ASAP2: variants seen among roughly 807,000 people sequenced by gnomAD.
ASAP2 encodes ArfGAP with SH3 domain, ankyrin repeat and PH domain 2, also known as arf-GAP with SH3 domain, ANK repeat and PH domain-containing protein 2.
In ASAP2, 45 loss-of-function variants were observed where a neutral mutation model predicts 131.4. That is an observed-to-expected ratio of 0.34 (90% confidence interval 0.27 to 0.44). The LOEUF (loss-of-function observed/expected upper bound fraction) is 0.44, where lower values mean the gene tolerates loss of function less well. Ranked by LOEUF, ASAP2 falls within the 20% of genes least tolerant of loss-of-function variation. The pLI, the probability that ASAP2 is intolerant of heterozygous loss-of-function variation, is 1.00. For missense variants in ASAP2, 1,011 were observed against 1,297.0 expected (o/e 0.78, Z 3.39); for synonymous variants, 510 against 503.0 (o/e 1.01, Z -0.19).
intron 1 of ASAP2, among the ~76,000 whole-genome samples, chr2:9,246,832 G>T (rs1418932664): frequency 6.6e-6 from 1 of 152,124 alleles, no homozygotes; most frequent in African/African-American, 2.4e-5. Flanking sequence ...TGCATGTGGA[G>T]AAATTGTCCA....
intron 25 of ASAP2, among the ~76,000 whole-genome samples, chr2:9,400,284 C>CCTGCCCCCTT (rs1676544449): frequency 8.9e-6 from 1 of 112,812 alleles, no homozygotes; most frequent in Admixed American, 8.4e-5. Flanking sequence ...TTCCTTCCCT[C>CCTGCCCCCTT]CTTCCTTCCT....
chr2:9,345,961 A>T (rs1308919675), intron 11 of ASAP2, among the ~76,000 whole-genome samples: 2 of 151,788 alleles, frequency 1.3e-5, no homozygotes, highest in Admixed American at 1.3e-4. Flanking sequence ...CTAGAATAGT[A>T]TATACCCAGT....
At chr2:9,354,289 A>G (rs1156847281) in intron 12 of ASAP2, among the ~76,000 whole-genome samples, 1 of 152,154 alleles carries the variant, frequency 6.6e-6, no homozygotes, top group Non-Finnish European at 1.5e-5. Context: ...GCTGCCCTTC[A>G]CTGGCCACCA....
At chr2:9,386,942 C>T (rs1480759240) in intron 21 of ASAP2, among the ~76,000 whole-genome samples, 5 of 152,192 alleles carry the variant, frequency 3.3e-5, no homozygotes, top group African/African-American at 7.2e-5. Flanking sequence ...CGGGGGCTCA[C>T]GCCTGTAATC....
rs1015075984 is a variant in ASAP2 at position 9,207,572 on chromosome 2, G to A, written c.126+342G>A. ...TGCCCGCCGCCGCCCGCCGCCGCCC[G>A]GGGTCTTTGGTACCCGGTGCGGACC... On this transcript the variant is annotated intron_variant, in intron 1 of 27. Coordinates refer to ENST00000281419, the MANE Select transcript of ASAP2 (RefSeq NM_003887.3). The surrounding 1 kb of genome is among the most constrained non-coding windows in gnomAD (Gnocchi z 4.1). 6.6e-6 allele frequency among the ~76,000 whole-genome samples: 1 copy of A among 152,192 alleles called. No individual in the cohort carries two copies. Among genetic ancestry groups the A allele is most frequent in the Non-Finnish European group, 1.5e-5 (1 of 68,018 alleles).
At chr2:9,346,767 C>A (rs1389132186) in intron 11 of ASAP2, among the ~76,000 whole-genome samples, 2 of 152,228 alleles carry the variant, frequency 1.3e-5, no homozygotes, top group African/African-American at 2.4e-5. Flanking sequence ...TAGATCCAGG[C>A]CTCAGCTTAA....
intron 1 of ASAP2, among the ~76,000 whole-genome samples, chr2:9,238,429 C>G (rs1054250265): frequency 6.6e-6 from 1 of 152,176 alleles, no homozygotes; most frequent in Non-Finnish European, 1.5e-5. Flanking sequence ...CAGCCACATC[C>G]GCTTGAAAAA....
intron 1 of ASAP2, among the ~76,000 whole-genome samples, chr2:9,214,740 C>T (rs1661878520): frequency 6.8e-6 from 1 of 147,848 alleles, no homozygotes; most frequent in Non-Finnish European, 1.5e-5. Context: ...CTGCCAGGTG[C>T]CAGGGATGTA....
chr2:9,264,204 T>A (rs59833056), intron 1 of ASAP2, among the ~76,000 whole-genome samples: 18,995 of 127,964 alleles, frequency 0.15, 1,973 homozygotes, highest in African/African-American at 0.24. Context: ...AAAATAATAA[T>A]AATAATAATA....
At chr2:9,316,268 C>T (rs989947064) in intron 3 of ASAP2, among the ~76,000 whole-genome samples, 7 of 151,780 alleles carry the variant, frequency 4.6e-5, no homozygotes, top group African/African-American at 1.7e-4. Flanking sequence ...GCTGAAGTGC[C>T]CTCCAACCTG....
intron 1 of ASAP2, among the ~76,000 whole-genome samples, chr2:9,241,502 G>A (rs571116013): frequency 6.6e-6 from 1 of 152,266 alleles, no homozygotes; most frequent in African/African-American, 2.4e-5. Context: ...ACACTGGGAG[G>A]CCAAAGAAGC....
chr2:9,319,298 A>G (rs1188523066), intron 4 of ASAP2, among the ~76,000 whole-genome samples: 1 of 152,156 alleles, frequency 6.6e-6, no homozygotes, highest in African/African-American at 2.4e-5. Flanking sequence ...AATTCTTTGG[A>G]TCTGCGCACG....
intron 1 of ASAP2, among the ~76,000 whole-genome samples, chr2:9,278,130 G>A (rs188260085): frequency 6.6e-6 from 1 of 152,288 alleles, no homozygotes; most frequent in Admixed American, 6.5e-5. Context: ...AGGGCAGGGT[G>A]CTTCATTTAG....
intron 2 of ASAP2, among the ~76,000 whole-genome samples, chr2:9,283,319 C>CCA (rs1667253143): frequency 6.6e-6 from 1 of 152,214 alleles, no homozygotes; most frequent in Non-Finnish European, 1.5e-5. Context: ...CTCAAGTGAT[C>CCA]CACCAGCCTC....
At chr2:9,374,053 T>C (rs1192931171) in intron 16 of ASAP2, among the ~76,000 whole-genome samples, 1 of 152,204 alleles carries the variant, frequency 6.6e-6, no homozygotes, top group Non-Finnish European at 1.5e-5. Context: ...AAATACTTAT[T>C]CAAGTTCAAA....
intron 16 of ASAP2, 64 bp downstream of exon 16, chr2:9,368,583 A>T: frequency 7.0e-7 from 1 of 1,419,326 alleles, no homozygotes; most frequent in Non-Finnish European, 9.9e-7. Context: ...GAGCCCCGGG[A>T]GGCAGGGGAA....
intron 9 of ASAP2, among the ~76,000 whole-genome samples, chr2:9,336,263 C>T (rs1466204175): frequency 6.6e-6 from 1 of 152,018 alleles, no homozygotes; most frequent in Non-Finnish European, 1.5e-5. Context: ...TGCTGCTGTT[C>T]CTTTATGAAG....
At chr2:9,216,738 A>G (rs1488740891) in intron 1 of ASAP2, among the ~76,000 whole-genome samples, 4 of 151,466 alleles carry the variant, frequency 2.6e-5, no homozygotes, top group Non-Finnish European at 5.9e-5. Context: ...TGGGATTGCA[A>G]GTGTGAGCCA....
rs967125520 is a variant in ASAP2 at position 9,356,242 on chromosome 2, C to G, written c.1224C>G (p.Asp408Glu). The change falls in exon 14 of 28, where the codon GAC (aspartate) becomes GAG (glutamate). Residue 408 changes from aspartate to glutamate, a missense_variant. Physicochemically the swap from Asp to Glu is conservative, Grantham distance 45 (BLOSUM62 2). Coordinates refer to ENST00000281419, the MANE Select transcript of ASAP2 (RefSeq NM_003887.3). ...TAAACAATGCATTTAAGGGGGATGA[C>G]AATACTGGAGAAAATAACATCGTCC... ...EALNNAFKGD[D>E]NTGENNIVQE... 5.6e-6 allele frequency: 9 copies of G among 1,613,910 alleles called. No homozygotes were observed. In the African/African-American group the frequency reaches 9.3e-5, roughly 17 times the overall value.
Sources: gnomAD v4.1 joint callset for allele counts (sites outside exome capture counted in the v4.1 genomes callset) on GRCh38, gnomAD v4.1.1 for gene constraint, Gnocchi (gnomAD v3.1) non-coding constraint, MANE v1.5 for transcripts, NCBI Gene and HGNC (gene_info 2026-07-23, HGNC 2026-07-21) for gene names.